The following KANK1 variants were observed in gnomAD, a reference collection of about 807,000 sequenced individuals.
KANK1 encodes KN motif and ankyrin repeat domain-containing protein 1.
A neutral mutation model predicts 106.2 loss-of-function variants in KANK1; 109 were observed. The ratio of observed to expected loss-of-function variants is 1.03; its 90% CI spans 0.88 to 1.20. The LOEUF (loss-of-function observed/expected upper bound fraction) is 1.20, where lower values mean the gene tolerates loss of function less well. Ranked by LOEUF, KANK1 falls within the 50% of genes most tolerant of loss-of-function variation. The pLI is 0.00. For synonymous variants in KANK1, 873 were observed against 652.2 expected, an observed-to-expected ratio of 1.34 and a Z score of -5.16; for missense variants, 2,399 against 1,710.7, an observed-to-expected ratio of 1.40 and a Z score of -7.10.
At position 738,302 on chromosome 9, in the gene KANK1, C is replaced by A. The variant is rs1332749298; in HGVS notation, c.3351C>A (p.Thr1117=). Residue 1117 remains threonine (T), a synonymous_variant, in exon 8 of 12, where the codon ACC becomes ACA. Coordinates refer to ENST00000382297, the MANE Select transcript of KANK1 (RefSeq NM_015158.5). Reference sequence around the variant, plus strand: ...TTTGGCAGAGGTTCTGTCTGAACACCCTCCAGCACGAGTGGTTCCGCGTGT... The same window carrying A: ...TTTGGCAGAGGTTCTGTCTGAACACACTCCAGCACGAGTGGTTCCGCGTGT... The part of the protein sequence containing the change: ...TSKDMRFCLN[T]LQHEWFRVSS... The A allele has an allele frequency of 6.2e-7, 1 of 1,613,040 alleles. No individual in the cohort carries two copies.
In KANK1 at chr9:731,149, T is replaced by C. The variant is rs1432323483; in HGVS notation, c.2897-9T>C. 1 of 1,555,374 alleles carries C rather than the reference T, an allele frequency of 6.4e-7. No individual in the cohort carries two copies. Among genetic ancestry groups the C allele is most frequent in the Non-Finnish European group, 8.8e-7 (1 of 1,130,348 alleles). ...AGTTTTCATTTTTATTGCCTTGACT[T>C]TTTCACAGCATGTACAAACAATGAA... On this transcript the variant is annotated splice_polypyrimidine_tract_variant and intron_variant, in intron 4 of 11. Coordinates refer to ENST00000382297, the MANE Select transcript of KANK1 (RefSeq NM_015158.5).
chr9:573,335 T>C (rs1410945739), intron 1 of KANK1, among the ~76,000 whole-genome samples: 2 of 152,176 alleles, frequency 1.3e-5, no homozygotes, highest in Non-Finnish European at 2.9e-5. Context: ...AGTGGCGCAA[T>C]CTTGGCTCAC....
chr9:476,734 A>G (rs2058111430), intron 3 of KANK1: 1 of 152,212 alleles, frequency 6.6e-6, no homozygotes, highest in Admixed American at 6.5e-5. Flanking sequence ...CTTCCTGATC[A>G]TCAGTAGAAA....
intron 1 of KANK1, among the ~76,000 whole-genome samples, chr9:522,999 G>C (rs1351251390): frequency 6.6e-6 from 1 of 151,664 alleles, no homozygotes; most frequent in East Asian, 1.9e-4. Context: ...TCATCTGTAA[G>C]GTCTCAGTTC....
At chr9:728,609 T>G (rs1331898784) in intron 3 of KANK1, among the ~76,000 whole-genome samples, 1 of 152,208 alleles carries the variant, frequency 6.6e-6, no homozygotes, top group Non-Finnish European at 1.5e-5. Flanking sequence ...CAGGAGAGAT[T>G]CAGAGTCTGG....
chr9:615,669 T>G (rs1177635897), intron 1 of KANK1, among the ~76,000 whole-genome samples: 1 of 152,170 alleles, frequency 6.6e-6, no homozygotes, highest in African/African-American at 2.4e-5. Context: ...CTGGTTGGTC[T>G]TTGCATTTGT....
chr9:593,980 T>G (rs1825618716), intron 1 of KANK1, among the ~76,000 whole-genome samples: 1 of 151,868 alleles, frequency 6.6e-6, no homozygotes. Context: ...GCAAAGTGAC[T>G]CCCTGGGCTG....
intron 3 of KANK1, among the ~76,000 whole-genome samples, chr9:485,260 G>T (rs1201371467): frequency 6.6e-6 from 1 of 152,162 alleles, no homozygotes; most frequent in Non-Finnish European, 1.5e-5. Flanking sequence ...ATGGGCATGT[G>T]AACCCCTCAG....
chr9:724,894 TGGAGAA>T (rs1440367561), intron 3 of KANK1, among the ~76,000 whole-genome samples: 8 of 152,178 alleles, frequency 5.3e-5, no homozygotes, highest in African/African-American at 1.9e-4. Context: ...TGAATGGACT[TGGAGAA>T]GGAAAAATGA....
intron 1 of KANK1, among the ~76,000 whole-genome samples, chr9:667,089 G>T (rs1202793843): frequency 3.3e-5 from 5 of 150,500 alleles, no homozygotes; most frequent in Non-Finnish European, 7.4e-5. Context: ...ACTTTTCTTT[G>T]ATAGGAGAGT....
intron 3 of KANK1, among the ~76,000 whole-genome samples, chr9:716,059 T>G (rs1366792340): frequency 6.6e-6 from 1 of 152,228 alleles, no homozygotes; most frequent in Non-Finnish European, 1.5e-5. Flanking sequence ...GGTATTCATC[T>G]CAATGTTTGT....
At chr9:527,607 T>C (rs1386928473) in intron 1 of KANK1, among the ~76,000 whole-genome samples, 1 of 151,582 alleles carries the variant, frequency 6.6e-6, no homozygotes, top group Non-Finnish European at 1.5e-5. Flanking sequence ...GGCTGCTCTC[T>C]GGTCTTGGTA....
intron 1 of KANK1, among the ~76,000 whole-genome samples, chr9:581,731 C>T (rs563015728): frequency 6.6e-6 from 1 of 152,228 alleles, no homozygotes; most frequent in African/African-American, 2.4e-5. Context: ...GCCAAGGTTC[C>T]AGGCTTTACT....
chr9:744,646 C>T (rs753786983), intron 11 of KANK1, 57 bp downstream of exon 11: 3 of 1,613,320 alleles, frequency 1.9e-6, no homozygotes, highest in African/African-American at 1.3e-5. Context: ...GACTGGTGGA[C>T]CCCCTTCCTC....
chr9:617,206 T>C (rs564415489), intron 1 of KANK1, among the ~76,000 whole-genome samples: 1 of 152,330 alleles, frequency 6.6e-6, no homozygotes, highest in African/African-American at 2.4e-5. Flanking sequence ...GTTATTTTAC[T>C]GAGTCCAGTT....
chr9:605,069 C>T (rs1374789880), intron 1 of KANK1, among the ~76,000 whole-genome samples: 4 of 151,182 alleles, frequency 2.6e-5, no homozygotes, highest in Non-Finnish European at 2.9e-5. Context: ...TTTGGGAGGC[C>T]GAGGCAGGCA....
rs149702434 is a variant in KANK1, at chr9:634,043, A to T, written c.-83-42847A>T. Among the ~76,000 whole-genome samples the T allele has an allele frequency of 3.2e-3, 493 of 152,350 alleles. 1 individual carries two copies. Among genetic ancestry groups the T allele is most frequent in the African/African-American group, 0.01 (417 of 41,562 alleles). ...TATCTTTTTCATAAGTTCAGAAATG[A>T]ACTTCTGGGGTTAATTAATTTGTAA... On this transcript the variant is annotated intron_variant, in intron 1 of 11. Transcript: ENST00000382297.
chr9:726,877 T>C (rs942805580), intron 3 of KANK1, among the ~76,000 whole-genome samples: 3 of 152,160 alleles, frequency 2.0e-5, no homozygotes, highest in African/African-American at 4.8e-5. Context: ...CAAGAATCTC[T>C]TGAACCAAGA....
intron 2 of KANK1, among the ~76,000 whole-genome samples, chr9:690,649 A>G (rs1819694639): frequency 6.6e-6 from 1 of 152,202 alleles, no homozygotes. Context: ...TGACCTGTCC[A>G]CAGTGTAATT....
Sources: allele counts gnomAD v4.1 joint callset (sites outside exome capture counted in the v4.1 genomes callset), GRCh38; gene constraint gnomAD v4.1.1; transcripts MANE v1.5; gene names NCBI Gene and HGNC (gene_info 2026-07-23, HGNC 2026-07-21).